PDAP1: variants seen among roughly 807,000 people sequenced by gnomAD.
PDAP1 encodes the protein PDGFA associated protein 1.
PDAP1 carries 13 observed loss-of-function variants against 28.0 expected under a neutral mutation model. The ratio of observed to expected loss-of-function variants is 0.46; its 90% CI spans 0.30 to 0.74. PDAP1 has a LOEUF of 0.74. Among genes scored for constraint, PDAP1 ranks in the 30% least tolerant of loss-of-function variants. The probability of loss-of-function intolerance (pLI) is 0.07; values close to 1 mark genes in which losing one functional copy is unlikely to be tolerated. For synonymous variants in PDAP1, 77 were observed against 85.1 expected, an observed-to-expected ratio of 0.91 and a Z score of 0.52; for missense variants, 150 against 230.0, an observed-to-expected ratio of 0.65 and a Z score of 2.25.
At chr7:99,404,832 C>G in intron 2 of PDAP1, 30 bp downstream of exon 2, 1 of 1,582,690 alleles carries the variant, frequency 6.3e-7, no homozygotes, top group South Asian at 1.1e-5. Flanking sequence ...CCCTGGGCCA[C>G]TGGCGTGGCC....
intron 3 of PDAP1, among the ~76,000 whole-genome samples, chr7:99,402,161 G>A (rs563409621): frequency 8.1e-5 from 12 of 148,474 alleles, no homozygotes; most frequent in Non-Finnish European, 1.2e-4. Flanking sequence ...CCCGGGAGGC[G>A]GAGCTTGCAG....
intron 1 of PDAP1, 52 bp downstream of exon 1, chr7:99,408,484 C>G: frequency 7.5e-7 from 1 of 1,339,736 alleles, no homozygotes; most frequent in Non-Finnish European, 9.6e-7. Context: ...CAGCGGAAGC[C>G]GGACCTGGGC....
chr7:99,399,485 G>A (rs1045768713), intron 4 of PDAP1, among the ~76,000 whole-genome samples: 3 of 152,058 alleles, frequency 2.0e-5, no homozygotes, highest in African/African-American at 7.2e-5. Context: ...CAGCCTTATC[G>A]AAGGCTGCAC....
chr7:99,401,407 C>A (rs1794863911), intron 3 of PDAP1, among the ~76,000 whole-genome samples: 1 of 152,154 alleles, frequency 6.6e-6, no homozygotes, highest in Non-Finnish European at 1.5e-5. Flanking sequence ...CGGCTCACCA[C>A]AACCTCGGTC....
At chr7:99,402,241 A>G (rs1197812688) in intron 3 of PDAP1, among the ~76,000 whole-genome samples, 2 of 150,570 alleles carry the variant, frequency 1.3e-5, no homozygotes, top group Non-Finnish European at 3.0e-5. Flanking sequence ...AAAAAAAAAA[A>G]AAAAAAAGCA....
intron 1 of PDAP1, among the ~76,000 whole-genome samples, chr7:99,406,940 G>GA (rs1364101741): frequency 6.6e-6 from 1 of 151,986 alleles, no homozygotes; most frequent in Non-Finnish European, 1.5e-5. Flanking sequence ...AGTGTGCCAA[G>GA]AAAAAAACCA....
At chr7:99,398,358 AGAT>A (rs1294208487) in intron 4 of PDAP1, among the ~76,000 whole-genome samples, 1 of 152,210 alleles carries the variant, frequency 6.6e-6, no homozygotes. Flanking sequence ...GTTCCAGAGA[AGAT>A]GACCAGGAGG....
chr7:99,399,637 G>A (rs1305661728), intron 4 of PDAP1, among the ~76,000 whole-genome samples: 2 of 152,094 alleles, frequency 1.3e-5, no homozygotes, highest in African/African-American at 4.8e-5. Context: ...CCTTCCCCAC[G>A]AGGCTTTCAC....
In PDAP1 at chr7:99,395,848, A is replaced by G. The variant is rs748470994; in HGVS notation, c.*834T>C. 2 of 152,556 alleles carry G rather than the reference A, an allele frequency of 1.3e-5. No homozygotes were observed. The highest frequency in any genetic ancestry group is 2.4e-5 in the African/African-American group (1 of 41,450). The allele number at this position is 152,556 out of a possible 1,614,324, so 9.5% of individuals were successfully genotyped here. A position where few individuals can be genotyped will look rare whatever the true frequency, so the allele number is the denominator to read the frequency against. ...CCATCCCCGCATCCTGCTCGGTGCC[A>G]CCTGACAGATGTCATGCCCCAGGTA... On this transcript the variant is annotated 3_prime_UTR_variant, in exon 6 of 6. Coordinates refer to ENST00000350498, the MANE Select transcript of PDAP1 (RefSeq NM_014891.7).
chr7:99,404,967 C>T lies in PDAP1; in HGVS notation c.14-14G>A, dbSNP rs1202723964. 1 of 1,605,820 alleles carries T rather than the reference C, an allele frequency of 6.2e-7. No homozygotes were observed. ...CTCCCTTTCTTCCTGCAGAGACCCGCAGTTTAGGTGAGCGGAAGCAGCTGC... is the reference window on the plus strand; with the variant it reads ...CTCCCTTTCTTCCTGCAGAGACCCGTAGTTTAGGTGAGCGGAAGCAGCTGC... On this transcript the variant is annotated splice_polypyrimidine_tract_variant and intron_variant, in intron 1 of 5. Transcript: ENST00000350498.
Position 99,397,922 on chromosome 7 carries a change from G to A in PDAP1, c.427C>T (p.Leu143=), listed in dbSNP as rs764827223. 5 of 1,614,138 alleles carry A rather than the reference G, an allele frequency of 3.1e-6. No homozygotes were observed. The Admixed American group carries it at 8.3e-5, about 27-fold the overall frequency. The change falls in exon 5 of 6, where the codon CTG becomes TTG. Residue 143 remains leucine, a synonymous_variant. Coordinates refer to ENST00000350498, the MANE Select transcript of PDAP1 (RefSeq NM_014891.7). ...TCCCGCTGTTTCCGGATGATGGCCA[G>A]CCGGGCCAGGTCAGCCTTGGCTTGC... ...TEQAKADLAR[L]AIIRKQREEA...
chr7:99,398,853 C>T (rs760316050), intron 4 of PDAP1, among the ~76,000 whole-genome samples: 1 of 152,202 alleles, frequency 6.6e-6, no homozygotes, highest in Non-Finnish European at 1.5e-5. Context: ...CACGGTGCTG[C>T]CCCCCAAGGG....
rs1794711544 is a variant in PDAP1 at position 99,394,770 on chromosome 7, G to C, written c.*1912C>G. The C allele has an allele frequency of 9.5e-6, 11 of 1,157,776 alleles. No homozygotes were observed. Among genetic ancestry groups the C allele is most frequent in the East Asian group, 7.1e-5 (2 of 27,978 alleles). The allele number at this position is 1,157,776 out of a possible 1,614,324, so 71.7% of individuals were successfully genotyped here. ...CTTCAAAATGTGGAGGTAATAAAAT[G>C]CAACTGTGTAAAAAAAAAAAAAAAA... On this transcript the variant is annotated 3_prime_UTR_variant, in exon 6 of 6. Transcript: ENST00000350498.
chr7:99,404,310 T>C (rs2150907106), intron 2 of PDAP1, among the ~76,000 whole-genome samples: 1 of 152,210 alleles, frequency 6.6e-6, no homozygotes, highest in South Asian at 2.1e-4. Context: ...GATGGGAATG[T>C]ATTCTATTTC....
At position 99,404,843 on chromosome 7, in the gene PDAP1, T is replaced by G. The variant is rs1403294863; in HGVS notation, c.105+19A>C. On this transcript the variant is annotated intron_variant, in intron 2 of 5. Coordinates refer to ENST00000350498, the MANE Select transcript of PDAP1 (RefSeq NM_014891.7). ...GCCACCCTGGGCCACTGGCGTGGCC[T>G]GGACAGGCACGTACTCACCCTGGCC... The G allele has an allele frequency of 1.2e-6, 2 of 1,603,808 alleles. No homozygotes were observed. Among genetic ancestry groups the G allele is most frequent in the Non-Finnish European group, 8.5e-7 (1 of 1,172,948 alleles).
At chr7:99,401,631 TTCTGA>T (rs1794868024) in intron 3 of PDAP1, among the ~76,000 whole-genome samples, 1 of 152,060 alleles carries the variant, frequency 6.6e-6, no homozygotes, top group Non-Finnish European at 1.5e-5. Context: ...GGCCCAGGAT[TTCTGA>T]TCTGAACACT....
chr7:99,396,644 C>CG lies in PDAP1; in HGVS notation c.*37dup, dbSNP rs1794770706. The CG allele has an allele frequency of 6.4e-7, 1 of 1,563,828 alleles. No individual in the cohort carries two copies. ...AGACACAGCAGAGGTCCTGGCAGCG[C>CG]GGCCCAGGTCCCCGGCATCTCCTCC... is the stretch of plus-strand genomic sequence containing the variant. On this transcript the variant is annotated 3_prime_UTR_variant, in exon 6 of 6. Coordinates refer to ENST00000350498, the MANE Select transcript of PDAP1 (RefSeq NM_014891.7).
At chr7:99,404,291 G>C (rs1794930752) in intron 2 of PDAP1, among the ~76,000 whole-genome samples, 1 of 152,190 alleles carries the variant, frequency 6.6e-6, no homozygotes, top group African/African-American at 2.4e-5. Flanking sequence ...GTAAGATGCA[G>C]ATGCTGACGA....
chr7:99,407,100 A>C (rs1794985585), intron 1 of PDAP1, among the ~76,000 whole-genome samples: 2 of 152,178 alleles, frequency 1.3e-5, no homozygotes, highest in Non-Finnish European at 2.9e-5. Context: ...GACTTTAAAA[A>C]ACGATTTGCA....
Sources: allele counts gnomAD v4.1 joint callset (sites outside exome capture counted in the v4.1 genomes callset), GRCh38; gene constraint gnomAD v4.1.1; transcripts MANE v1.5; gene names NCBI Gene and HGNC (gene_info 2026-07-23, HGNC 2026-07-21).